Variants in AP2A1 observed in about 807,000 individuals in gnomAD.
AP2A1 encodes AP-2 complex subunit alpha-1.
A neutral mutation model predicts 107.3 loss-of-function variants in AP2A1; 21 were observed. The observed-to-expected ratio is 0.20, with a 90% CI of 0.14 to 0.28. The LOEUF is 0.28. Among genes scored for constraint, AP2A1 ranks in the 10% least tolerant of loss-of-function variants. The pLI is 1.00. For synonymous variants in AP2A1, 602 were observed against 564.8 expected (o/e 1.07, Z -0.93); for missense variants, 873 against 1,307.7 (o/e 0.67, Z 5.13).
chr19:49,795,582 G>GGCCCCCC, intron 6 of AP2A1, 48 bp from the exon 7 acceptor site: 3 of 692,052 alleles, frequency 4.3e-6, no homozygotes, highest in Non-Finnish European at 8.0e-6. Flanking sequence ...GGACCCACGT[G>GGCCCCCC]CCCCTCCCAC....
intron 5 of AP2A1, among the ~76,000 whole-genome samples, chr19:49,792,560 G>T (rs575070580): frequency 6.6e-6 from 1 of 151,956 alleles, no homozygotes; most frequent in Admixed American, 6.5e-5. Context: ...CCCCTGGCTG[G>T]CCAGGGATCC....
intron 1 of AP2A1, among the ~76,000 whole-genome samples, chr19:49,772,704 G>A (rs1382932083): frequency 6.6e-6 from 1 of 150,898 alleles, no homozygotes; most frequent in African/African-American, 2.4e-5. Flanking sequence ...GTTTCACTGT[G>A]TTAGCCAGGA....
At chr19:49,802,515 C>T (rs1191486028) in intron 15 of AP2A1, 9 of 1,604,720 alleles carry the variant, frequency 5.6e-6, no homozygotes, top group South Asian at 1.1e-5. Context: ...CTTGTCTGCT[C>T]TGGGATTGGA....
intron 1 of AP2A1, among the ~76,000 whole-genome samples, chr19:49,774,296 A>T (rs912983350): frequency 3.9e-5 from 6 of 152,020 alleles, no homozygotes; most frequent in African/African-American, 7.3e-5. Context: ...CCCTGGCCTC[A>T]TGGCACTGGT....
rs2123750972 is a variant in AP2A1 at position 49,801,378 on chromosome 19, T to C, written c.1554-12T>C. The C allele has an allele frequency of 6.2e-7, 1 of 1,610,826 alleles. No homozygotes were observed. The highest frequency in any genetic ancestry group is 8.5e-7 in the Non-Finnish European group (1 of 1,178,394). Reference sequence around the variant, plus strand: ...GGAACCTGGCCCCGCTGACACCCACTCCTGCACACAGCCCCCCAGTGCAGT... The same window carrying C: ...GGAACCTGGCCCCGCTGACACCCACCCCTGCACACAGCCCCCCAGTGCAGT... On this transcript the variant is annotated splice_polypyrimidine_tract_variant and intron_variant, in intron 12 of 22. Coordinates refer to ENST00000354293, the MANE Select transcript of AP2A1 (RefSeq NM_130787.3).
At chr19:49,791,225 T>A (rs1295617646) in intron 4 of AP2A1, among the ~76,000 whole-genome samples, 2 of 152,252 alleles carry the variant, frequency 1.3e-5, no homozygotes, top group African/African-American at 2.4e-5. Context: ...TGTTTATTTT[T>A]AAATTTTTTT....
chr19:49,787,360 T>G (rs915266332), intron 4 of AP2A1, among the ~76,000 whole-genome samples: 1 of 140,804 alleles, frequency 7.1e-6, no homozygotes, highest in East Asian at 2.1e-4. Context: ...TTTTGTTTTT[T>G]TTTTTTTGAG....
intron 22 of AP2A1, 155 bp downstream of exon 22, chr19:49,806,408 A>C: frequency 1.0e-5 from 15 of 1,435,342 alleles, no homozygotes; most frequent in Non-Finnish European, 1.4e-5. Context: ...TTTATCTATC[A>C]GTTTAATCTC....
intron 11 of AP2A1, 144 bp from the exon 12 acceptor site, chr19:49,800,817 C>A (rs749903016): frequency 4.7e-6 from 3 of 632,302 alleles, no homozygotes; most frequent in Non-Finnish European, 8.0e-6. Context: ...CGTCACTCAA[C>A]CTTTCTGTGA....
chr19:49,799,778 G>T lies in AP2A1; in HGVS notation c.1272+12G>T. 6.2e-7 allele frequency: 1 copy of T among 1,611,708 alleles called. No homozygotes were observed. Among genetic ancestry groups the T allele is most frequent in the Non-Finnish European group, 8.5e-7 (1 of 1,179,212 alleles). On this transcript the variant is annotated intron_variant, in intron 10 of 22. Transcript: ENST00000354293. ...TCCGCGAGGAGATCGTGAGTGCTGTGGGGTGCGGGCTGGACTCTTGGGTCT... is the reference window on the plus strand; with the variant it reads ...TCCGCGAGGAGATCGTGAGTGCTGTTGGGTGCGGGCTGGACTCTTGGGTCT...
chr19:49,806,050 G>T, intron 21 of AP2A1, 69 bp from the exon 22 acceptor site: 1 of 1,603,836 alleles, frequency 6.2e-7, no homozygotes, highest in Non-Finnish European at 8.5e-7. Flanking sequence ...GGTTTTTTGG[G>T]ATCTGGGATG....
At chr19:49,806,429 C>G (rs183638629) in intron 22 of AP2A1, 176 bp downstream of exon 22, 1 of 1,435,480 alleles carries the variant, frequency 7.0e-7, no homozygotes, top group Non-Finnish European at 9.1e-7. Flanking sequence ...CTGTCTCCAA[C>G]CTCTGGTGTT....
At chr19:49,775,149 G>A (rs920658150) in intron 1 of AP2A1, among the ~76,000 whole-genome samples, 4 of 151,828 alleles carry the variant, frequency 2.6e-5, no homozygotes, top group African/African-American at 4.8e-5. Context: ...GATCGCTTGA[G>A]CCCAGGAGGT....
intron 1 of AP2A1, among the ~76,000 whole-genome samples, chr19:49,775,272 AATAT>A (rs1345745642): frequency 6.6e-6 from 1 of 152,142 alleles, no homozygotes; most frequent in African/African-American, 2.4e-5. Flanking sequence ...AATTCATTTT[AATAT>A]ATTTTCTTTA....
chr19:49,784,071 G>A (rs2084709150), intron 4 of AP2A1, among the ~76,000 whole-genome samples: 1 of 152,190 alleles, frequency 6.6e-6, no homozygotes, highest in Admixed American at 6.5e-5. Flanking sequence ...AATGATATGA[G>A]TAGCTCACAG....
At chr19:49,806,357 A>T in intron 22 of AP2A1, 104 bp downstream of exon 22, 32 of 1,189,748 alleles carry the variant, frequency 2.7e-5, no homozygotes, top group Non-Finnish European at 3.3e-5. Context: ...CCCCACTTTG[A>T]CCCTCCTCCT....
rs749203502 is a variant in AP2A1, at chr19:49,806,146, G to A, written c.2683G>A (p.Asp895Asn). Residue 895 changes from aspartate to asparagine, a missense_variant, in exon 22 of 23, where the codon GAC becomes AAC. Asp to Asn is a conservative substitution (Grantham distance 23). Around this residue, in one of 4 missense-constraint regions of AP2A1, gnomAD observed 416 missense variants for 473.4 expected, o/e 0.88. Coordinates refer to ENST00000354293, the MANE Select transcript of AP2A1 (RefSeq NM_130787.3). ...KLLGFGSALL[D>N]NVDPNPENFV... The stretch of plus-strand genomic sequence containing the variant: ...TCTGGGGTTTGGCTCTGCTCTCCTG[G>A]ACAATGTGGACCCCAACCCTGAGAA... 7.6e-6 allele frequency: 12 copies of A among 1,571,876 alleles called. No homozygotes were observed. The highest frequency in any genetic ancestry group is 7.6e-5 in the Admixed American group (4 of 52,618).
At position 49,771,324 on chromosome 19, in the gene AP2A1, AAAG is replaced by A. The variant is rs1217775905; in HGVS notation, c.67+4127_67+4129del. 6.4e-4 allele frequency among the ~76,000 whole-genome samples: 97 copies of A among 151,526 alleles called. 1 individual carries two copies. The highest frequency in any genetic ancestry group is 1.2e-3 in the Non-Finnish European group (79 of 67,818). On this transcript the variant is annotated intron_variant, in intron 1 of 22. Transcript: ENST00000354293. ...CTCTTAAAAAAAAAAAAAAAAAAAA[AAAG>A]AAAGGTCCTGGAATTCGATAGTAGT...
chr19:49,793,490 G>A (rs1300272609), intron 6 of AP2A1, among the ~76,000 whole-genome samples: 4 of 152,006 alleles, frequency 2.6e-5, no homozygotes, highest in Non-Finnish European at 4.4e-5. Context: ...TCTCTTTCCT[G>A]TGCAGCCTCT....
Sources: gnomAD v4.1 joint callset for allele counts (sites outside exome capture counted in the v4.1 genomes callset) on GRCh38, gnomAD v4.1.1 for gene constraint, gnomAD v4.1.1 regional missense constraint, MANE v1.5 for transcripts, NCBI Gene and HGNC (gene_info 2026-07-23, HGNC 2026-07-21) for gene names.